LGR4: variants seen among roughly 807,000 people sequenced by gnomAD.
LGR4 encodes leucine rich repeat containing G protein-coupled receptor 4.
Under a neutral mutation model 84.8 loss-of-function variants are expected in LGR4, and 44 were observed. That is an observed-to-expected ratio of 0.52 (90% CI 0.41 to 0.67). LGR4 has a LOEUF of 0.67. LGR4 is among the 30% of genes least tolerant of loss of function. The pLI is 0.00. For synonymous variants in LGR4, 429 were observed against 434.3 expected (o/e 0.99, Z 0.15); for missense variants, 1,032 against 1,131.4 (o/e 0.91, Z 1.26).
intron 1 of LGR4, among the ~76,000 whole-genome samples, chr11:27,462,211 G>A (rs1864697255): frequency 6.6e-6 from 1 of 152,098 alleles, no homozygotes; most frequent in African/African-American, 2.4e-5. Context: ...AGATCACATT[G>A]ACACTGTCTT....
chr11:27,444,264 T>C (rs1326076557), intron 1 of LGR4, among the ~76,000 whole-genome samples: 1 of 152,136 alleles, frequency 6.6e-6, no homozygotes, highest in Non-Finnish European at 1.5e-5. Context: ...GAGGGACTAC[T>C]GAGAAGGAGG....
At chr11:27,375,263 C>A (rs80131975) in intron 13 of LGR4, among the ~76,000 whole-genome samples, 6,973 of 143,306 alleles carry the variant, frequency 0.049, 249 homozygotes, top group Middle Eastern at 0.072. Flanking sequence ...CCACTGCATT[C>A]TAGCCTGAGC....
chr11:27,453,650 G>C (rs1864523396), intron 1 of LGR4, among the ~76,000 whole-genome samples: 1 of 152,046 alleles, frequency 6.6e-6, no homozygotes, highest in South Asian at 2.1e-4. Flanking sequence ...GTTCAATTCT[G>C]TGTCCCCAGC....
At chr11:27,465,270 A>C (rs956001693) in intron 1 of LGR4, among the ~76,000 whole-genome samples, 1 of 152,218 alleles carries the variant, frequency 6.6e-6, no homozygotes, top group Non-Finnish European at 1.5e-5. Context: ...AGAAGGATAT[A>C]TATTTTAAAT....
intron 3 of LGR4, among the ~76,000 whole-genome samples, 169 bp from the exon 4 acceptor site, chr11:27,391,334 G>A (rs1863282284): frequency 1.3e-5 from 2 of 150,132 alleles, no homozygotes; most frequent in South Asian, 4.3e-4. Context: ...ACTTCAAGAA[G>A]CACTTGTTGT....
intron 1 of LGR4, among the ~76,000 whole-genome samples, chr11:27,432,032 C>T (rs148899906): frequency 0.01 from 1,575 of 151,982 alleles, 25 homozygotes; most frequent in African/African-American, 0.036. Context: ...CACATCCTGC[C>T]GGTTATTATC....
At chr11:27,378,868 C>T in intron 10 of LGR4, 100 bp from the exon 11 acceptor site, 1 of 790,770 alleles carries the variant, frequency 1.3e-6, no homozygotes, top group Non-Finnish European at 2.1e-6. Context: ...TACATATGGA[C>T]TAGATTCTAT....
At chr11:27,454,075 T>C (rs1051961062) in intron 1 of LGR4, among the ~76,000 whole-genome samples, 2 of 152,218 alleles carry the variant, frequency 1.3e-5, no homozygotes, top group African/African-American at 4.8e-5. Flanking sequence ...GTCTCCACAA[T>C]CCCTTATCAT....
rs771040856 is a variant in LGR4, at chr11:27,385,470, T to C, written c.402-2A>G. Reference sequence around the variant, plus strand: ...GTAATATGGTTGGCATCTAAACGCCTAACAGAAACAAAAACAACCATGTTC... The same window carrying C: ...GTAATATGGTTGGCATCTAAACGCCCAACAGAAACAAAAACAACCATGTTC... On this transcript the variant is annotated splice_acceptor_variant, in intron 4 of 17. Transcript: ENST00000379214. LOFTEE classifies it high-confidence loss of function. The C allele has an allele frequency of 8.8e-6, 14 of 1,586,426 alleles. No individual in the cohort carries two copies. The highest frequency in any genetic ancestry group is 1.1e-5 in the Non-Finnish European group (13 of 1,163,562).
intron 1 of LGR4, among the ~76,000 whole-genome samples, chr11:27,440,962 C>G (rs921563880): frequency 6.6e-6 from 1 of 152,104 alleles, no homozygotes; most frequent in Non-Finnish European, 1.5e-5. Context: ...AACCACTGCC[C>G]GGCTCTCACA....
chr11:27,472,167 T>C lies in LGR4; in HGVS notation c.136A>G (p.Lys46Glu). 8.1e-7 allele frequency: 1 copy of C among 1,234,152 alleles called. No homozygotes were observed. The highest frequency in any genetic ancestry group is 1.4e-5 in the South Asian group (1 of 69,044). 76.5% of individuals were successfully genotyped at this position (1,234,152 alleles called of 1,614,324 possible). ...CCCTCGGGCACGGCCGTCAGCCCCT[T>C]CCCGGAGCAGTCCACCCGACGGTCG... ...DGDRRVDCSG[K>E]GLTAVPEGLS... is the part of the protein sequence containing the mutation. The change falls in exon 1 of 18, where the codon AAG becomes GAG. Residue 46 changes from lysine to glutamate, a missense_variant. Physicochemically the swap from Lys to Glu is moderately conservative, Grantham distance 56. Transcript: ENST00000379214.
intron 4 of LGR4, among the ~76,000 whole-genome samples, chr11:27,385,947 A>C (rs989333103): frequency 6.6e-6 from 1 of 152,170 alleles, no homozygotes; most frequent in Non-Finnish European, 1.5e-5. Context: ...AAAATACTTA[A>C]AATTTTTGTA....
chr11:27,469,328 C>T (rs1332246549), intron 1 of LGR4, among the ~76,000 whole-genome samples: 1 of 152,146 alleles, frequency 6.6e-6, no homozygotes. Context: ...CTCTCTGGGA[C>T]CTTCTCAAAT....
At chr11:27,388,868 T>G (rs1863232772) in intron 4 of LGR4, among the ~76,000 whole-genome samples, 1 of 152,090 alleles carries the variant, frequency 6.6e-6, no homozygotes, top group Non-Finnish European at 1.5e-5. Context: ...GTTAAAAAAT[T>G]TCTAATGGAG....
intron 1 of LGR4, among the ~76,000 whole-genome samples, chr11:27,456,475 G>A (rs113101990): frequency 4.6e-5 from 7 of 152,316 alleles, no homozygotes; most frequent in African/African-American, 1.4e-4. Flanking sequence ...AAATTCCAGT[G>A]AGTGAAAGGG....
intron 1 of LGR4, among the ~76,000 whole-genome samples, chr11:27,420,559 A>C (rs535525708): frequency 3.9e-5 from 6 of 152,292 alleles, no homozygotes; most frequent in African/African-American, 1.4e-4. Flanking sequence ...ATCAAAGTTA[A>C]GTATATCACA....
rs763278403 is a variant in LGR4, at chr11:27,380,620, T to G, written c.902+20A>C. ...CAACTGTATAAATATCCAGGTTTGT[T>G]TTTAAATTCACATACTTACAGGGAA... On this transcript the variant is annotated intron_variant, in intron 9 of 17. Coordinates refer to ENST00000379214, the MANE Select transcript of LGR4 (RefSeq NM_018490.5). 2 of 1,482,880 alleles carry G rather than the reference T, an allele frequency of 1.3e-6. No homozygotes were observed. The highest frequency in any genetic ancestry group is 1.9e-6 in the Non-Finnish European group (2 of 1,068,520). 91.9% of individuals were successfully genotyped at this position (1,482,880 alleles called of 1,614,324 possible). A position where few individuals can be genotyped will look rare whatever the true frequency, so the allele number is the denominator to read the frequency against.
intron 1 of LGR4, among the ~76,000 whole-genome samples, chr11:27,443,519 A>G (rs1864336612): frequency 6.6e-6 from 1 of 152,244 alleles, no homozygotes; most frequent in South Asian, 2.1e-4. Flanking sequence ...AAAATGGGGA[A>G]AGGCTGAAGC....
At position 27,373,991 on chromosome 11, in the gene LGR4, C is replaced by T; in HGVS notation, c.1237G>A (p.Gly413Arg). The T allele has an allele frequency of 1.2e-6, 2 of 1,610,816 alleles. No homozygotes were observed. Among genetic ancestry groups the T allele is most frequent in the South Asian group, 1.1e-5 (1 of 91,000 alleles). ...EIHSRAFATL[G>R]PITNLDVSFN... ...TCCACTTACAGGTTAGTTATTGGCC[C>T]AAGTGTGGCAAAAGCTCTACTGTGA... The change falls in exon 14 of 18, where the codon GGG becomes AGG. Residue 413 changes from glycine (G) to arginine (R), a missense_variant. Gly to Arg is a moderately radical substitution (Grantham distance 125). Coordinates refer to ENST00000379214, the MANE Select transcript of LGR4 (RefSeq NM_018490.5).
Sources: gnomAD v4.1 joint callset for allele counts (sites outside exome capture counted in the v4.1 genomes callset) on GRCh38, gnomAD v4.1.1 for gene constraint, MANE v1.5 for transcripts, NCBI Gene and HGNC (gene_info 2026-07-23, HGNC 2026-07-21) for gene names.